The following HECW1 variants were observed in gnomAD, a reference collection of about 807,000 sequenced individuals.
HECW1 encodes HECT, C2 and WW domain containing E3 ubiquitin protein ligase 1.
A neutral mutation model predicts 182.3 loss-of-function variants in HECW1; 61 were observed. The ratio of observed to expected loss-of-function variants is 0.33; its 90% confidence interval spans 0.27 to 0.41. HECW1 has a LOEUF of 0.41. Ranked by LOEUF, HECW1 falls within the 10% of genes least tolerant of loss-of-function variation. The probability of loss-of-function intolerance (pLI) is 1.00; values close to 1 mark genes in which losing one functional copy is unlikely to be tolerated. For missense variants in HECW1, 1,739 were observed against 2,108.9 expected (o/e 0.82, Z 3.44); for synonymous variants, 859 against 832.6 (o/e 1.03, Z -0.55).
intron 3 of HECW1, among the ~76,000 whole-genome samples, chr7:43,287,647 G>GT (rs71649034): frequency 0.37 from 56,081 of 152,042 alleles, 14,165 homozygotes; most frequent in African/African-American, 0.72. Flanking sequence ...CCTGATTTAG[G>GT]TTTTTTAAAG....
intron 3 of HECW1, among the ~76,000 whole-genome samples, chr7:43,263,112 G>A (rs1034032225): frequency 6.6e-6 from 1 of 152,112 alleles, no homozygotes; most frequent in Admixed American, 6.5e-5. Flanking sequence ...GCGATGAAAA[G>A]AATACAGTTC....
At chr7:43,360,390 C>G (rs1815718372) in intron 5 of HECW1, among the ~76,000 whole-genome samples, 1 of 151,986 alleles carries the variant, frequency 6.6e-6, no homozygotes, top group South Asian at 2.1e-4. Context: ...ATCTATAGAA[C>G]TTTGAAGGAA....
chr7:43,441,456 A>T (rs1424714078), intron 9 of HECW1, among the ~76,000 whole-genome samples: 2 of 152,214 alleles, frequency 1.3e-5, no homozygotes, highest in African/African-American at 4.8e-5. Flanking sequence ...ACCACAAGAT[A>T]TGCATCTGCT....
At chr7:43,427,035 A>T (rs1420140053) in intron 8 of HECW1, among the ~76,000 whole-genome samples, 1 of 152,096 alleles carries the variant, frequency 6.6e-6, no homozygotes, top group African/African-American at 2.4e-5. Context: ...TAAGTTTGAA[A>T]AAAAGGCCCT....
intron 5 of HECW1, among the ~76,000 whole-genome samples, chr7:43,327,837 G>C (rs1389271161): frequency 6.6e-6 from 1 of 152,062 alleles, no homozygotes; most frequent in African/African-American, 2.4e-5. Context: ...TGCATCCTGT[G>C]TGCTAATGGG....
At chr7:43,482,638 A>G (rs1399409949) in intron 17 of HECW1, among the ~76,000 whole-genome samples, 1 of 152,094 alleles carries the variant, frequency 6.6e-6, no homozygotes, top group Non-Finnish European at 1.5e-5. Context: ...AGGCACAGTG[A>G]CTCATGCCTG....
At position 43,550,572 on chromosome 7, in the gene HECW1, TG is replaced by T; in HGVS notation, c.4378del (p.Val1460CysfsTer8). 6.2e-7 allele frequency: 1 copy of T among 1,606,840 alleles called. No homozygotes were observed. Among genetic ancestry groups the T allele is most frequent in the Non-Finnish European group, 8.5e-7 (1 of 1,176,784 alleles). ...ERGVVQQTEA[L>X]VRGFYEVVDS... ...GGCGTGGTACAGCAGACCGAGGCGC[TG>T]GTGCGCGGCTTCTACGAGGTGAGGC... On this transcript the variant is annotated frameshift_variant, in exon 27 of 30. Transcript: ENST00000395891. LOFTEE classifies it high-confidence loss of function.
intron 24 of HECW1, among the ~76,000 whole-genome samples, chr7:43,513,296 T>C (rs1341451232): frequency 6.6e-6 from 1 of 152,110 alleles, no homozygotes; most frequent in African/African-American, 2.4e-5. Flanking sequence ...GGGACTCTGC[T>C]CTCCACGACG....
intron 5 of HECW1, among the ~76,000 whole-genome samples, chr7:43,341,674 T>G (rs1369381481): frequency 6.6e-6 from 1 of 151,794 alleles, no homozygotes; most frequent in Non-Finnish European, 1.5e-5. Context: ...TTTATGACTT[T>G]TCCAGTTATT....
rs2076982250 is a variant in HECW1, at chr7:43,444,475, C to A, written c.1303C>A (p.Pro435Thr). 6.2e-7 allele frequency: 1 copy of A among 1,613,104 alleles called. No homozygotes were observed. The highest frequency in any genetic ancestry group is 8.5e-7 in the Non-Finnish European group (1 of 1,179,698). The change falls in exon 11 of 30, where the codon CCT becomes ACT. Residue 435 changes from proline to threonine, a missense_variant. By Grantham distance (38) the Pro-to-Thr change is conservative. Coordinates refer to ENST00000395891, the MANE Select transcript of HECW1 (RefSeq NM_015052.5). The surrounding 1 kb of genome is among the most constrained non-coding windows in gnomAD (Gnocchi z 4.3). ...AGACCAGGGCATGGTCTCTGTGGGA[C>A]CTGAAGGGGCTGGGGAGCTCCTGGC... Reference protein sequence around the residue: ...AGDQGMVSVGPEGAGELLAQV... With the variant: ...AGDQGMVSVGTEGAGELLAQV...
In HECW1 at chr7:43,356,765, A is replaced by G. The variant is rs1377338325; in HGVS notation, c.461-4121A>G. 3.9e-5 allele frequency among the ~76,000 whole-genome samples: 6 copies of G among 152,352 alleles called. 1 individual carries two copies. Among genetic ancestry groups the G allele is most frequent in the Middle Eastern group, 3.4e-3 (1 of 294 alleles). On this transcript the variant is annotated intron_variant, in intron 5 of 29. Coordinates refer to ENST00000395891, the MANE Select transcript of HECW1 (RefSeq NM_015052.5). ...TCTCAGAAACTACACAAACACATGG[A>G]AATTAAACTACATGCTCCTGAACAA...
intron 3 of HECW1, among the ~76,000 whole-genome samples, chr7:43,295,261 T>C (rs553445729): frequency 5.5e-4 from 83 of 152,242 alleles, no homozygotes; most frequent in Non-Finnish European, 9.6e-4. Flanking sequence ...GTATATCATT[T>C]TTATAGTTGT....
chr7:43,351,117 G>C (rs994687961), intron 5 of HECW1, among the ~76,000 whole-genome samples: 1 of 152,176 alleles, frequency 6.6e-6, no homozygotes, highest in South Asian at 2.1e-4. Context: ...GAGCCAAACT[G>C]CAGTGATTGT....
chr7:43,264,544 A>G (rs1226768682), intron 3 of HECW1, among the ~76,000 whole-genome samples: 1 of 152,064 alleles, frequency 6.6e-6, no homozygotes, highest in Non-Finnish European at 1.5e-5. Flanking sequence ...TGTCTTTTGT[A>G]AAAAATAATT....
intron 8 of HECW1, among the ~76,000 whole-genome samples, chr7:43,425,856 G>T (rs1304651687): frequency 6.6e-6 from 1 of 152,104 alleles, no homozygotes; most frequent in South Asian, 2.1e-4. Context: ...CTGCTAAAAT[G>T]GCAGTTAAAT....
chr7:43,317,210 A>G (rs915177598), intron 4 of HECW1, among the ~76,000 whole-genome samples: 1 of 152,110 alleles, frequency 6.6e-6, no homozygotes, highest in African/African-American at 2.4e-5. Context: ...TCTACTCTCT[A>G]GCTTCCTGGA....
intron 3 of HECW1, chr7:43,245,894 A>T (rs1370460471): frequency 6.6e-6 from 1 of 152,208 alleles, no homozygotes; most frequent in Non-Finnish European, 1.5e-5. Flanking sequence ...AAGGGAATCT[A>T]TGGCCCCATA....
At chr7:43,239,192 C>T (rs1316048947) in intron 2 of HECW1, 1 of 152,168 alleles carries the variant, frequency 6.6e-6, no homozygotes, top group Non-Finnish European at 1.5e-5. Flanking sequence ...AAAAGGGAGA[C>T]GATCTAGTGA....
intron 2 of HECW1, among the ~76,000 whole-genome samples, chr7:43,203,747 C>A (rs1795218117): frequency 6.6e-6 from 1 of 152,228 alleles, no homozygotes; most frequent in South Asian, 2.1e-4. Flanking sequence ...GTAGCCACCG[C>A]TCCCAGCCAA....
Sources: allele counts gnomAD v4.1 joint callset (sites outside exome capture counted in the v4.1 genomes callset), GRCh38; gene constraint gnomAD v4.1.1; non-coding constraint Gnocchi (gnomAD v3.1); transcripts MANE v1.5; gene names NCBI Gene and HGNC (gene_info 2026-07-23, HGNC 2026-07-21).